Variants in C2orf80 observed in about 807,000 individuals in gnomAD.
C2orf80 encodes uncharacterized protein C2orf80.
In C2orf80, 28 loss-of-function variants were observed where a neutral mutation model predicts 30.2. The observed-to-expected ratio is 0.93, with a 90% CI of 0.69 to 1.27. The LOEUF (loss-of-function observed/expected upper bound fraction) is 1.27. C2orf80 is among the 50% of genes most tolerant of loss of function. The pLI, the probability that C2orf80 is intolerant of heterozygous loss-of-function variation, is 0.00. For missense variants in C2orf80, 220 were observed against 231.0 expected (o/e 0.95, Z 0.31); for synonymous variants, 80 against 76.4 (o/e 1.05, Z -0.24).
Position 208,183,462 on chromosome 2 carries a change from A to G in C2orf80, c.124-415T>C, listed in dbSNP as rs138625963. Among the ~76,000 whole-genome samples, 395 of 152,266 alleles carry G rather than the reference A, an allele frequency of 2.6e-3. 1 individual carries two copies. The highest frequency in any genetic ancestry group is 9.2e-3 in the African/African-American group (382 of 41,550). On this transcript the variant is annotated intron_variant, in intron 3 of 8. Coordinates refer to ENST00000341287, the MANE Select transcript of C2orf80 (RefSeq NM_001099334.3). ...TGGGCCTCAGTTTCCCTAAATTTTA[A>G]CATAGTAAAAGGTAAGGGTGGGGGA...
chr2:208,170,867 AC>A, intron 8 of C2orf80, 77 bp downstream of exon 8: 1 of 1,173,572 alleles, frequency 8.5e-7, no homozygotes, highest in Non-Finnish European at 1.3e-6. Flanking sequence ...CAAAGGCTAG[AC>A]TTTTAACCAC....
chr2:208,167,475 T>C (rs1695934074), intron 8 of C2orf80, among the ~76,000 whole-genome samples: 1 of 151,790 alleles, frequency 6.6e-6, no homozygotes, highest in Non-Finnish European at 1.5e-5. Flanking sequence ...TGAGCCGAGA[T>C]AACACCACTG....
chr2:208,185,492 T>C (rs1257889370), intron 2 of C2orf80, among the ~76,000 whole-genome samples: 3 of 152,212 alleles, frequency 2.0e-5, no homozygotes, highest in Non-Finnish European at 4.4e-5. Context: ...CAAATACCCT[T>C]AGGAGGAGGA....
In C2orf80 at chr2:208,179,875, AG is replaced by A. The variant is rs1156927676; in HGVS notation, c.366+869del. 3.3e-5 allele frequency among the ~76,000 whole-genome samples: 5 copies of A among 152,062 alleles called. No individual in the cohort carries two copies. The East Asian group carries it at 9.6e-4, about 29-fold the overall frequency. ...GTTTCATGGGAGGAGCTGAGAGTGGAGCTCACACCTATAGTCCAGCTACTTA... is the reference window on the plus strand; with the variant it reads ...GTTTCATGGGAGGAGCTGAGAGTGGACTCACACCTATAGTCCAGCTACTTA... On this transcript the variant is annotated intron_variant, in intron 6 of 8. Coordinates refer to ENST00000341287, the MANE Select transcript of C2orf80 (RefSeq NM_001099334.3).
chr2:208,181,350 T>G, intron 4 of C2orf80, 45 bp from the exon 5 acceptor site: 1 of 1,266,204 alleles, frequency 7.9e-7, no homozygotes, highest in African/African-American at 1.5e-5. Context: ...ATTCTTGTTC[T>G]TTTTGATGCC....
At position 208,177,008 on chromosome 2, in the gene C2orf80, TATACAG is replaced by T. The variant is rs1453793154; in HGVS notation, c.366+3731_366+3736del. On this transcript the variant is annotated intron_variant, in intron 6 of 8. Coordinates refer to ENST00000341287, the MANE Select transcript of C2orf80 (RefSeq NM_001099334.3). Reference sequence around the variant, plus strand: ...ATGTATATGTATACATATATACATATATACAGATACATATATACAGATATAGTACAC... The same window carrying T: ...ATGTATATGTATACATATATACATATATACATATATACAGATATAGTACAC... Among the ~76,000 whole-genome samples the T allele has an allele frequency of 3.4e-3, 305 of 89,804 alleles. 2 individuals carry two copies. The highest frequency in any genetic ancestry group is 7.7e-3 in the Middle Eastern group (1 of 130). 58.9% of individuals were successfully genotyped at this position (89,804 alleles called of 152,430 possible). A position where few individuals can be genotyped will look rare whatever the true frequency, so the allele number is the denominator to read the frequency against.
intron 6 of C2orf80, among the ~76,000 whole-genome samples, chr2:208,176,866 T>C (rs1228785356): frequency 5.3e-5 from 7 of 131,024 alleles, no homozygotes; most frequent in East Asian, 2.1e-4. Context: ...ATATATACTA[T>C]ATATACATAT....
intron 8 of C2orf80, among the ~76,000 whole-genome samples, chr2:208,167,281 TG>T (rs1426777774): frequency 6.6e-6 from 1 of 151,790 alleles, no homozygotes; most frequent in African/African-American, 2.4e-5. Context: ...TCCAGCACTT[TG>T]GGAGGCTGAG....
chr2:208,182,975 A>G lies in C2orf80; in HGVS notation c.196T>C (p.Trp66Arg). 6.2e-7 allele frequency: 1 copy of G among 1,613,294 alleles called. No homozygotes were observed. The highest frequency in any genetic ancestry group is 8.5e-7 in the Non-Finnish European group (1 of 1,179,334). The change falls in exon 4 of 9, where the codon TGG (tryptophan) becomes CGG (arginine). Residue 66 changes from tryptophan to arginine, a missense_variant. Trp to Arg is a moderately radical substitution (Grantham distance 101, BLOSUM62 -3). Coordinates refer to ENST00000341287, the MANE Select transcript of C2orf80 (RefSeq NM_001099334.3). The part of the protein sequence containing the change: ...DPSEDLTWLE[W>R]EELKIPLHGR... The stretch of plus-strand genomic sequence containing the variant: ...CCTACTTCAACTTACAGTTCCTCCC[A>G]CTCCAGCCAAGTTAAGTCTTCTGAG...
intron 1 of C2orf80, among the ~76,000 whole-genome samples, chr2:208,188,310 T>G (rs1696778981): frequency 6.6e-6 from 1 of 152,162 alleles, no homozygotes; most frequent in South Asian, 2.1e-4. Context: ...AAAACAAACT[T>G]TAGAAACGGT....
chr2:208,189,806 C>T (rs923434859), intron 1 of C2orf80, 147 bp downstream of exon 1: 1 of 641,976 alleles, frequency 1.6e-6, no homozygotes, highest in Non-Finnish European at 2.8e-6. Flanking sequence ...TCAGAGCCCC[C>T]AAATTCTATA....
At chr2:208,182,145 A>C (rs116381026) in intron 4 of C2orf80, among the ~76,000 whole-genome samples, 1,980 of 152,302 alleles carry the variant, frequency 0.013, 17 homozygotes, top group Non-Finnish European at 0.02. Flanking sequence ...AGAATAAGCT[A>C]TTTGATCCTG....
chr2:208,183,002 G>C lies in C2orf80; in HGVS notation c.169C>G (p.Pro57Ala). 6.2e-7 allele frequency: 1 copy of C among 1,614,046 alleles called. No individual in the cohort carries two copies. Among genetic ancestry groups the C allele is most frequent in the Non-Finnish European group, 8.5e-7 (1 of 1,179,960 alleles). ...TCCAGCCAAGTTAAGTCTTCTGAGG[G>C]ATCCAGCCATTGCAAAGCAACACTG... ...AISVALQWLD[P>A]SEDLTWLEWE... Residue 57 changes from proline to alanine, a missense_variant, in exon 4 of 9, where the codon CCC becomes GCC. Physicochemically the swap from Pro to Ala is conservative, Grantham distance 27. Coordinates refer to ENST00000341287, the MANE Select transcript of C2orf80 (RefSeq NM_001099334.3).
At chr2:208,183,634 A>G (rs932340382) in intron 3 of C2orf80, among the ~76,000 whole-genome samples, 5 of 152,104 alleles carry the variant, frequency 3.3e-5, no homozygotes, top group Non-Finnish European at 1.5e-5. Context: ...AAGAAGCTTC[A>G]GAGAGGGAAG....
At chr2:208,178,678 C>T (rs528029923) in intron 6 of C2orf80, among the ~76,000 whole-genome samples, 6 of 151,926 alleles carry the variant, frequency 3.9e-5, no homozygotes, top group African/African-American at 1.2e-4. Context: ...TTAGGGGAGG[C>T]CAAGGTGGGA....
chr2:208,189,908 A>G (rs1242619511), intron 1 of C2orf80, 45 bp downstream of exon 1: 4 of 702,678 alleles, frequency 5.7e-6, no homozygotes, highest in Admixed American at 4.0e-5. Flanking sequence ...GGGCTGTTCT[A>G]TTAAGTGCCT....
At chr2:208,168,396 G>A (rs146508802) in intron 8 of C2orf80, 3,571 of 309,154 alleles carry the variant, frequency 0.012, 114 homozygotes, top group African/African-American at 0.076. Flanking sequence ...GAGTTGGGCC[G>A]GGCGCGGTGG....
intron 8 of C2orf80, among the ~76,000 whole-genome samples, chr2:208,166,969 G>A (rs1695916198): frequency 6.6e-6 from 1 of 151,972 alleles, no homozygotes; most frequent in African/African-American, 2.4e-5. Context: ...ACTTTTCTAA[G>A]CCTTTACACA....
chr2:208,183,036 G>T lies in C2orf80; in HGVS notation c.135C>A (p.Asp45Glu). 11 of 1,613,920 alleles carry T rather than the reference G, an allele frequency of 6.8e-6. No homozygotes were observed. The highest frequency in any genetic ancestry group is 9.3e-6 in the Non-Finnish European group (11 of 1,179,788). ...ATTGCAAAGCAACACTGATGGCCAA[G>T]TCATAGTGTGCCTGGGAGCAGGAAG... ...LTFLDDMAHY[D>E]LAISVALQWL... The change falls in exon 4 of 9, where the codon GAC (aspartate) becomes GAA (glutamate). Residue 45 changes from aspartate to glutamate, a missense_variant. Coordinates refer to ENST00000341287, the MANE Select transcript of C2orf80 (RefSeq NM_001099334.3).
Sources: allele counts gnomAD v4.1 joint callset (sites outside exome capture counted in the v4.1 genomes callset), GRCh38; gene constraint gnomAD v4.1.1; transcripts MANE v1.5; gene names NCBI Gene and HGNC (gene_info 2026-07-23, HGNC 2026-07-21).